The following RBPMS2 variants were observed in gnomAD, a reference collection of about 807,000 sequenced individuals.
The protein encoded by RBPMS2 is RNA-binding protein with multiple splicing 2.
In RBPMS2, 14 loss-of-function variants were observed where a neutral mutation model predicts 25.7. The ratio of observed to expected loss-of-function variants is 0.55; its 90% CI spans 0.36 to 0.85. The LOEUF (loss-of-function observed/expected upper bound fraction) is 0.85, where lower values mean the gene tolerates loss of function less well. Ranked by LOEUF, RBPMS2 falls within the 40% of genes least tolerant of loss-of-function variation. The pLI is 0.01. For missense variants in RBPMS2, 252 were observed against 283.4 expected, an observed-to-expected ratio of 0.89 and a Z score of 0.80; for synonymous variants, 127 against 115.6, an observed-to-expected ratio of 1.10 and a Z score of -0.63.
rs374930196 is a variant in RBPMS2, at chr15:64,748,983, C to A, written c.418+17G>T. The A allele has an allele frequency of 6.2e-7, 1 of 1,613,708 alleles. No homozygotes were observed. Among genetic ancestry groups the A allele is most frequent in the Non-Finnish European group, 8.5e-7 (1 of 1,179,720 alleles). On this transcript the variant is annotated intron_variant, in intron 5 of 7. Transcript: ENST00000300069. The stretch of plus-strand genomic sequence containing the variant: ...ATGCAACTCCATGAGGGCCTGCCAG[C>A]TCAGAGTGCCACTCACAGGGGTCCC...
intron 1 of RBPMS2, among the ~76,000 whole-genome samples, chr15:64,756,885 C>G (rs1179169973): frequency 6.7e-6 from 1 of 149,910 alleles, no homozygotes; most frequent in Non-Finnish European, 1.5e-5. Context: ...TCCTTGAGGT[C>G]AGGAATCCCT....
At chr15:64,756,954 C>T (rs1666624513) in intron 1 of RBPMS2, among the ~76,000 whole-genome samples, 1 of 150,114 alleles carries the variant, frequency 6.7e-6, no homozygotes, top group African/African-American at 2.5e-5. Flanking sequence ...AAGTGCGAGC[C>T]ACCATGCCCG....
intron 6 of RBPMS2, among the ~76,000 whole-genome samples, chr15:64,747,055 TC>T (rs2083623590): frequency 6.6e-6 from 1 of 152,142 alleles, no homozygotes; most frequent in African/African-American, 2.4e-5. Context: ...AACAATTCCC[TC>T]CAGGGGAAGG....
At chr15:64,741,959 A>C (rs2083566362) in intron 6 of RBPMS2, among the ~76,000 whole-genome samples, 1 of 152,216 alleles carries the variant, frequency 6.6e-6, no homozygotes, top group Non-Finnish European at 1.5e-5. Context: ...TGAGGTTCAG[A>C]GTTCGAGACC....
intron 1 of RBPMS2, among the ~76,000 whole-genome samples, chr15:64,764,674 G>C (rs1364323626): frequency 2.0e-5 from 3 of 152,130 alleles, no homozygotes; most frequent in Admixed American, 1.3e-4. Context: ...CCAGCACTTT[G>C]AGAGGCTGAG....
chr15:64,748,266 A>G (rs1403954918), intron 6 of RBPMS2, among the ~76,000 whole-genome samples, 153 bp downstream of exon 6: 1 of 152,150 alleles, frequency 6.6e-6, no homozygotes, highest in Non-Finnish European at 1.5e-5. Flanking sequence ...GGGAGGACAA[A>G]TAGGTCCCTG....
chr15:64,748,644 T>C (rs2083642925), intron 5 of RBPMS2, 77 bp from the exon 6 acceptor site: 1 of 1,489,002 alleles, frequency 6.7e-7, no homozygotes. Flanking sequence ...CCCAGCACTA[T>C]GGTTGAGCCA....
chr15:64,775,193 C>A, intron 1 of RBPMS2, 40 bp downstream of exon 1: 3 of 1,149,192 alleles, frequency 2.6e-6, no homozygotes, highest in East Asian at 3.6e-5. Context: ...GCCCGCCTGG[C>A]GTGCGCTTCA....
intron 4 of RBPMS2, 34 bp downstream of exon 4, chr15:64,749,397 T>C (rs775240159): frequency 3.2e-6 from 5 of 1,586,612 alleles, no homozygotes; most frequent in South Asian, 1.1e-5. Context: ...AAGAGGGCTG[T>C]GAGTCAGAGA....
chr15:64,767,359 C>T (rs943393836), intron 1 of RBPMS2, among the ~76,000 whole-genome samples: 6 of 152,154 alleles, frequency 3.9e-5, no homozygotes, highest in Non-Finnish European at 7.4e-5. Context: ...CAGCCATGGG[C>T]GGAAGACAGA....
At chr15:64,755,992 G>A (rs1325606036) in intron 1 of RBPMS2, among the ~76,000 whole-genome samples, 1 of 152,074 alleles carries the variant, frequency 6.6e-6, no homozygotes, top group Non-Finnish European at 1.5e-5. Context: ...CACAGTGGCC[G>A]TTAGGACCCC....
At chr15:64,762,660 G>C in intron 1 of RBPMS2, 1 of 406,660 alleles carries the variant, frequency 2.5e-6, no homozygotes, top group Non-Finnish European at 4.8e-6. Context: ...CCCCAGCCCT[G>C]TCACCAGCCA....
At chr15:64,757,571 G>C (rs762581102) in intron 1 of RBPMS2, among the ~76,000 whole-genome samples, 22 of 152,110 alleles carry the variant, frequency 1.4e-4, no homozygotes, top group Non-Finnish European at 2.4e-4. Flanking sequence ...CAACCCCTTC[G>C]TTTTATAGAT....
intron 1 of RBPMS2, among the ~76,000 whole-genome samples, chr15:64,772,534 C>T (rs2083899611): frequency 6.6e-6 from 1 of 152,186 alleles, no homozygotes. Flanking sequence ...TAATTCCAAA[C>T]TCTCATTATG....
chr15:64,773,440 G>T (rs4777558), intron 1 of RBPMS2, among the ~76,000 whole-genome samples: 132,498 of 152,242 alleles, frequency 0.87, 58,886 homozygotes, highest in East Asian at 0.96. Context: ...CCAAGTGCGC[G>T]GATTTGGAAC....
At chr15:64,768,076 G>T (rs1238529395) in intron 1 of RBPMS2, among the ~76,000 whole-genome samples, 1 of 152,226 alleles carries the variant, frequency 6.6e-6, no homozygotes. Flanking sequence ...ATGTCCCCCA[G>T]AATATCAGCC....
chr15:64,752,663 T>C (rs1262167535), intron 1 of RBPMS2, among the ~76,000 whole-genome samples: 1 of 150,868 alleles, frequency 6.6e-6, no homozygotes, highest in African/African-American at 2.4e-5. Context: ...CGGACTGGAG[T>C]GCAGTGGCGC....
At chr15:64,763,467 C>T (rs1011350610) in intron 1 of RBPMS2, among the ~76,000 whole-genome samples, 3 of 152,192 alleles carry the variant, frequency 2.0e-5, no homozygotes, top group Admixed American at 1.3e-4. Flanking sequence ...CTAGTAAGGA[C>T]AAGTCCCAGG....
At chr15:64,757,969 G>GT (rs1280093403) in intron 1 of RBPMS2, among the ~76,000 whole-genome samples, 6 of 152,200 alleles carry the variant, frequency 3.9e-5, no homozygotes, top group African/African-American at 1.4e-4. Context: ...AACAGAGCAA[G>GT]ACCCTACCTC....
Sources: allele counts gnomAD v4.1 joint callset (sites outside exome capture counted in the v4.1 genomes callset), GRCh38; gene constraint gnomAD v4.1.1; transcripts MANE v1.5; gene names NCBI Gene and HGNC (gene_info 2026-07-23, HGNC 2026-07-21).